Variants in ISG20 observed in about 807,000 individuals in gnomAD.
The protein encoded by ISG20 is interferon-stimulated gene 20 kDa protein.
ISG20 carries 8 observed loss-of-function variants against 11.1 expected under a neutral mutation model. The observed-to-expected ratio is 0.72, with a 90% CI of 0.42 to 1.30. ISG20 has a LOEUF of 1.30. ISG20 is among the 50% of genes most tolerant of loss of function. The pLI is 0.01. For missense variants in ISG20, 243 were observed against 250.2 expected (o/e 0.97, Z 0.19); for synonymous variants, 110 against 101.7 (o/e 1.08, Z -0.49).
intron 3 of ISG20, among the ~76,000 whole-genome samples, chr15:88,653,362 G>A (rs1402585798): frequency 1.3e-5 from 2 of 152,198 alleles, no homozygotes; most frequent in Non-Finnish European, 2.9e-5. Flanking sequence ...GGCAGAAGAA[G>A]GCATACAGAG....
In ISG20 at chr15:88,655,535, C is replaced by G. The variant is rs919247573; in HGVS notation, c.*4C>G. The G allele has an allele frequency of 1.9e-6, 3 of 1,610,840 alleles. No homozygotes were observed. The highest frequency in any genetic ancestry group is 1.3e-5 in the African/African-American group (1 of 74,858). On this transcript the variant is annotated 3_prime_UTR_variant, in exon 4 of 4. Coordinates refer to ENST00000306072, the MANE Select transcript of ISG20 (RefSeq NM_002201.6). ...CCGCCTGGCTGTGTCAGACTGAAGC[C>G]CCATCCAGCCCGTTCCGCAGGGACT... is the stretch of plus-strand genomic sequence containing the variant.
Position 88,650,395 on chromosome 15 carries a change from G to A in ISG20, c.229-1715G>A, listed in dbSNP as rs181501086. On this transcript the variant is annotated intron_variant, in intron 2 of 3. Coordinates refer to ENST00000306072, the MANE Select transcript of ISG20 (RefSeq NM_002201.6). The surrounding 1 kb of genome is among the most constrained non-coding windows in gnomAD (Gnocchi z 4.0). The stretch of plus-strand genomic sequence containing the variant: ...GGGCTGCTGGAGGCCTGGAGTGGTC[G>A]TTCACTCTTCTGGCTCAGTGTGGCA... 1.9e-5 allele frequency: 29 copies of A among 1,523,886 alleles called. No homozygotes were observed. The highest frequency in any genetic ancestry group is 4.1e-5 in the African/African-American group (3 of 72,830). The allele number at this position is 1,523,886 out of a possible 1,614,324, so 94.4% of individuals were successfully genotyped here.
At chr15:88,648,193 T>A (rs1200795440) in intron 2 of ISG20, 1 of 152,338 alleles carries the variant, frequency 6.6e-6, no homozygotes, top group Non-Finnish European at 1.5e-5. Flanking sequence ...CAAGAATGAA[T>A]GAATGGGTAC....
intron 2 of ISG20, 115 bp from the exon 3 acceptor site, chr15:88,651,995 G>A (rs1173810276): frequency 9.8e-6 from 15 of 1,535,402 alleles, no homozygotes; most frequent in Non-Finnish European, 1.3e-5. Flanking sequence ...AGGGAGGACT[G>A]ATAATTTGCC....
At chr15:88,651,467 C>T (rs760402572) in intron 2 of ISG20, 2 of 272,770 alleles carry the variant, frequency 7.3e-6, no homozygotes, top group South Asian at 2.7e-4. Context: ...TCCATTTCCT[C>T]GCCCTTTCTG....
intron 2 of ISG20, among the ~76,000 whole-genome samples, chr15:88,645,511 G>A (rs1313454378): frequency 6.6e-6 from 1 of 152,126 alleles, no homozygotes; most frequent in Non-Finnish European, 1.5e-5. Context: ...ACCTGGCTCA[G>A]ATCATCGCCG....
chr15:88,644,337 C>T (rs2058131752), intron 2 of ISG20, among the ~76,000 whole-genome samples: 1 of 151,884 alleles, frequency 6.6e-6, no homozygotes, highest in South Asian at 2.1e-4. Context: ...AGTTTGAGAT[C>T]AGCCTGGCTA....
chr15:88,635,644 G>A (rs970439233), upstream of ISG20, among the ~76,000 whole-genome samples: 1 of 152,184 alleles, frequency 6.6e-6, no homozygotes, highest in Non-Finnish European at 1.5e-5. Flanking sequence ...ACTGCATCCC[G>A]ACATTGGTTT....
At chr15:88,652,493 T>G (rs2141406097) in intron 3 of ISG20, among the ~76,000 whole-genome samples, 183 bp downstream of exon 3, 1 of 3,036 alleles carries the variant, frequency 3.3e-4, no homozygotes, top group African/African-American at 1.7e-3. Flanking sequence ...CCCCTCCTCC[T>G]TCCCCTCCTC....
intron 2 of ISG20, among the ~76,000 whole-genome samples, chr15:88,640,735 A>T (rs1252609730): frequency 6.6e-6 from 1 of 152,024 alleles, no homozygotes; most frequent in Non-Finnish European, 1.5e-5. Context: ...AGGCGGAGGC[A>T]GATGGGTGGC....
intron 3 of ISG20, among the ~76,000 whole-genome samples, chr15:88,653,780 A>G (rs11856911): frequency 0.56 from 83,231 of 149,342 alleles, 24,406 homozygotes; most frequent in Non-Finnish European, 0.66. Context: ...CACAGGACAC[A>G]AGGAGCTAAC....
At chr15:88,652,717 C>G (rs1026147224) in intron 3 of ISG20, among the ~76,000 whole-genome samples, 15 of 146,420 alleles carry the variant, frequency 1.0e-4, no homozygotes, top group Non-Finnish European at 1.0e-4. Context: ...TGTGCCTGGT[C>G]CCTGGCTGGT....
intron 3 of ISG20, 47 bp downstream of exon 3, chr15:88,652,357 TC>T (rs778376078): frequency 2.4e-6 from 2 of 817,106 alleles, no homozygotes; most frequent in Non-Finnish European, 1.6e-6. Flanking sequence ...CTCCCCCTCC[TC>T]CCCCTCCTCC....
chr15:88,644,684 G>A (rs1239745689), intron 2 of ISG20, among the ~76,000 whole-genome samples: 1 of 152,186 alleles, frequency 6.6e-6, no homozygotes, highest in African/African-American at 2.4e-5. Flanking sequence ...CCAGAAAGGT[G>A]AGGGCAACAT....
chr15:88,638,907 G>C (rs367792590), upstream of ISG20: 226 of 198,084 alleles, frequency 1.1e-3, no homozygotes, highest in African/African-American at 4.6e-3. Flanking sequence ...CAGCCCACGT[G>C]CCCGGCCTTC....
At chr15:88,641,988 C>T (rs951751204) in intron 2 of ISG20, among the ~76,000 whole-genome samples, 2 of 139,790 alleles carry the variant, frequency 1.4e-5, no homozygotes. Context: ...GGCTGGACTG[C>T]AGTGGCACGA....
chr15:88,644,532 CAAA>C (rs373461017), intron 2 of ISG20, among the ~76,000 whole-genome samples: 1 of 89,150 alleles, frequency 1.1e-5, no homozygotes. Flanking sequence ...ACTTAGTCTC[CAAA>C]AAAAAAAAAA....
upstream of ISG20, chr15:88,637,363 AAATCACAAAAT>A (rs576267144): frequency 1.4e-5 from 2 of 145,776 alleles, no homozygotes; most frequent in East Asian, 3.9e-4. Flanking sequence ...GGACATCAGG[AAATCACAAAAT>A]TTCTTGAGCA....
intron 3 of ISG20, among the ~76,000 whole-genome samples, chr15:88,653,717 G>A (rs1445263587): frequency 6.6e-5 from 4 of 61,026 alleles, no homozygotes; most frequent in Admixed American, 3.1e-4. Flanking sequence ...CCTCCCGCCC[G>A]CCCCCGCTCA....
Sources: allele counts gnomAD v4.1 joint callset (sites outside exome capture counted in the v4.1 genomes callset), GRCh38; gene constraint gnomAD v4.1.1; non-coding constraint Gnocchi (gnomAD v3.1); transcripts MANE v1.5; gene names NCBI Gene and HGNC (gene_info 2026-07-23, HGNC 2026-07-21).